The following CGNL1 variants were observed in gnomAD, a reference collection of about 807,000 sequenced individuals.
CGNL1 encodes the protein cingulin like 1.
CGNL1 carries 132 observed loss-of-function variants against 141.2 expected under a neutral mutation model. The observed-to-expected ratio is 0.93, with a 90% CI of 0.81 to 1.08. CGNL1 has a LOEUF of 1.08. CGNL1 is among the 50% of genes least tolerant of loss of function. The probability of loss-of-function intolerance (pLI) is 0.00; values close to 1 mark genes in which losing one functional copy is unlikely to be tolerated. For missense variants in CGNL1, 1,870 were observed against 1,588.6 expected (o/e 1.18, Z -3.01); for synonymous variants, 690 against 622.1 (o/e 1.11, Z -1.63).
chr15:57,409,624 G>A (rs865861668), intron 1 of CGNL1, among the ~76,000 whole-genome samples: 5 of 152,268 alleles, frequency 3.3e-5, no homozygotes, highest in Middle Eastern at 3.4e-3. Context: ...CTGATGTTGT[G>A]TGAAAGGGGG....
rs560342471 is a variant in CGNL1, at chr15:57,427,385, A to G, written c.-15-10600A>G. 8.1e-4 allele frequency among the ~76,000 whole-genome samples: 124 copies of G among 152,300 alleles called. 3 individuals carry two copies. In the South Asian group the frequency reaches 0.025, roughly 31 times the overall value. On this transcript the variant is annotated intron_variant, in intron 1 of 18. Coordinates refer to ENST00000281282, the MANE Select transcript of CGNL1 (RefSeq NM_032866.5). ...GGACAAATACAGGTGCCTATCATTT[A>G]TAGCACAGTCTCTCTGGGACCCGTG...
At chr15:57,411,045 TCTTACTAA>T (rs1475102200) in intron 1 of CGNL1, among the ~76,000 whole-genome samples, 2 of 152,016 alleles carry the variant, frequency 1.3e-5, no homozygotes, top group East Asian at 3.8e-4. Flanking sequence ...CTTTTGAAGG[TCTTACTAA>T]AATTTATCAC....
At chr15:57,544,818 A>C (rs1412154417) in intron 16 of CGNL1, among the ~76,000 whole-genome samples, 1 of 152,218 alleles carries the variant, frequency 6.6e-6, no homozygotes, top group Non-Finnish European at 1.5e-5. Context: ...ATACTGGTGT[A>C]GCTGGGTAAA....
chr15:57,514,578 A>G (rs1251156322), intron 8 of CGNL1, among the ~76,000 whole-genome samples: 1 of 152,034 alleles, frequency 6.6e-6, no homozygotes, highest in African/African-American at 2.4e-5. Context: ...TCTTGGTGGC[A>G]TCATTTGCAG....
rs140296839 is a variant in CGNL1 at position 57,500,202 on chromosome 15, T to G, written c.2404-16578T>G. Among the ~76,000 whole-genome samples the G allele has an allele frequency of 6.9e-4, 105 of 152,294 alleles. 1 individual carries two copies. The highest frequency in any genetic ancestry group is 2.4e-3 in the African/African-American group (101 of 41,554). The stretch of plus-strand genomic sequence containing the variant: ...TTGGTGGGTGGCCACTGTCAACAGC[T>G]GAAAACAAGAGAGGCTCTTCTGTGT... On this transcript the variant is annotated intron_variant, in intron 8 of 18. Coordinates refer to ENST00000281282, the MANE Select transcript of CGNL1 (RefSeq NM_032866.5).
At chr15:57,468,756 C>T (rs1205731392) in intron 8 of CGNL1, among the ~76,000 whole-genome samples, 1 of 152,144 alleles carries the variant, frequency 6.6e-6, no homozygotes, top group Non-Finnish European at 1.5e-5. Context: ...ATTGTACTCT[C>T]ATAATTCCCA....
In CGNL1 at chr15:57,478,592, C is replaced by T. The variant is rs149636989; in HGVS notation, c.2403+16700C>T. ...GAAAGCTGTTAATAGCTTAAAAGGTCTCATTAGCTGCTAGATAGGCCTAGA... is the reference window on the plus strand; with the variant it reads ...GAAAGCTGTTAATAGCTTAAAAGGTTTCATTAGCTGCTAGATAGGCCTAGA... On this transcript the variant is annotated intron_variant, in intron 8 of 18. Coordinates refer to ENST00000281282, the MANE Select transcript of CGNL1 (RefSeq NM_032866.5). Among the ~76,000 whole-genome samples the T allele has an allele frequency of 3.3e-5, 5 of 152,240 alleles. No individual in the cohort carries two copies. In the East Asian group the frequency reaches 5.8e-4, roughly 18 times the overall value.
chr15:57,519,597 T>C (rs2031102198), intron 10 of CGNL1, among the ~76,000 whole-genome samples: 1 of 152,194 alleles, frequency 6.6e-6, no homozygotes, highest in African/African-American at 2.4e-5. Context: ...GCCTTCACTT[T>C]GGATTTTTTT....
intron 14 of CGNL1, among the ~76,000 whole-genome samples, chr15:57,540,343 A>G (rs1428656274): frequency 6.6e-6 from 1 of 152,198 alleles, no homozygotes; most frequent in African/African-American, 2.4e-5. Flanking sequence ...AATGAGAAGC[A>G]CAGTCATGTC....
At chr15:57,425,663 C>T (rs1319273781) in intron 1 of CGNL1, among the ~76,000 whole-genome samples, 6 of 150,140 alleles carry the variant, frequency 4.0e-5, no homozygotes, top group African/African-American at 1.2e-4. Context: ...ATCGCTTGAA[C>T]CTGGGAGATA....
chr15:57,528,507 T>C, intron 12 of CGNL1, 147 bp from the exon 13 acceptor site: 1 of 728,990 alleles, frequency 1.4e-6, no homozygotes, highest in Non-Finnish European at 2.2e-6. Flanking sequence ...CAGAGGGAGG[T>C]AGGACTTGCT....
chr15:57,414,780 G>A (rs1028715287), intron 1 of CGNL1, among the ~76,000 whole-genome samples: 2 of 152,204 alleles, frequency 1.3e-5, no homozygotes, highest in Non-Finnish European at 2.9e-5. Context: ...AGGGTTAGGG[G>A]CTTCAAATTC....
At chr15:57,456,703 T>TAG (rs1403284908) in intron 7 of CGNL1, among the ~76,000 whole-genome samples, 1 of 152,100 alleles carries the variant, frequency 6.6e-6, no homozygotes, top group Non-Finnish European at 1.5e-5. Context: ...AGGAATGCAT[T>TAG]ACCTTCCATT....
chr15:57,536,652 T>C (rs2032275949), intron 14 of CGNL1, among the ~76,000 whole-genome samples: 1 of 152,196 alleles, frequency 6.6e-6, no homozygotes, highest in Admixed American at 6.5e-5. Context: ...AGAGTAATCC[T>C]TTTTCCTTTC....
At chr15:57,389,454 T>C (rs2062518684) in intron 1 of CGNL1, among the ~76,000 whole-genome samples, 1 of 152,196 alleles carries the variant, frequency 6.6e-6, no homozygotes, top group Non-Finnish European at 1.5e-5. Context: ...CCCAGGATAG[T>C]AAATGAATGA....
Position 57,545,662 on chromosome 15 carries a change from G to A in CGNL1, c.3571G>A (p.Asp1191Asn). 1.2e-6 allele frequency: 2 copies of A among 1,613,644 alleles called. No homozygotes were observed. Among genetic ancestry groups the A allele is most frequent in the South Asian group, 2.2e-5 (2 of 90,942 alleles). ...AGTGAAGGAGCTGGTGATGCAGGTG[G>A]ATGATGAGCACCTGTCATTGACTGA... is the stretch of plus-strand genomic sequence containing the variant. Reference protein sequence around the residue: ...RKVKELVMQVDDEHLSLTDQK... With the variant: ...RKVKELVMQVNDEHLSLTDQK... Residue 1191 changes from aspartate (D) to asparagine (N), a missense_variant, in exon 17 of 19, where the codon GAT (aspartate) becomes AAT (asparagine). Asp to Asn is a conservative substitution (Grantham distance 23). Coordinates refer to ENST00000281282, the MANE Select transcript of CGNL1 (RefSeq NM_032866.5).
At chr15:57,401,294 G>A (rs1405562242) in intron 1 of CGNL1, among the ~76,000 whole-genome samples, 1 of 152,142 alleles carries the variant, frequency 6.6e-6, no homozygotes, top group Non-Finnish European at 1.5e-5. Flanking sequence ...TAATTCTTCT[G>A]TTCAGAGTTA....
At chr15:57,516,722 C>G in intron 8 of CGNL1, 58 bp from the exon 9 acceptor site, 1 of 1,550,468 alleles carries the variant, frequency 6.4e-7, no homozygotes, top group Non-Finnish European at 8.9e-7. Flanking sequence ...ATTCTTCCAG[C>G]CTGGGGACAG....
intron 1 of CGNL1, among the ~76,000 whole-genome samples, chr15:57,410,059 G>C (rs1375179084): frequency 6.6e-6 from 1 of 152,232 alleles, no homozygotes. Flanking sequence ...GTTCTGACCA[G>C]TGAGGACTCA....
Sources: gnomAD v4.1 joint callset for allele counts (sites outside exome capture counted in the v4.1 genomes callset) on GRCh38, gnomAD v4.1.1 for gene constraint, MANE v1.5 for transcripts, NCBI Gene and HGNC (gene_info 2026-07-23, HGNC 2026-07-21) for gene names.